Variants in PTH2R observed in about 807,000 individuals in gnomAD.
PTH2R encodes PTH2 receptor.
Under a neutral mutation model 60.3 loss-of-function variants are expected in PTH2R, and 59 were observed. The observed-to-expected ratio is 0.98, with a 90% confidence interval of 0.79 to 1.22. PTH2R has a LOEUF of 1.22. PTH2R is among the 50% of genes most tolerant of loss of function. The probability of loss-of-function intolerance (pLI) is 0.00; values close to 1 mark genes in which losing one functional copy is unlikely to be tolerated. For missense variants in PTH2R, 749 were observed against 682.6 expected, an observed-to-expected ratio of 1.10 and a Z score of -1.08; for synonymous variants, 256 against 243.8, an observed-to-expected ratio of 1.05 and a Z score of -0.47.
chr2:208,477,392 C>T (rs4675768), intron 9 of PTH2R, among the ~76,000 whole-genome samples: 88,516 of 152,004 alleles, frequency 0.58, 27,900 homozygotes, highest in Non-Finnish European at 0.69. Context: ...CCTGAGCAGC[C>T]GGCACTTCCA....
At chr2:208,370,032 A>C (rs1445400555) in intron 1 of PTH2R, among the ~76,000 whole-genome samples, 1 of 152,102 alleles carries the variant, frequency 6.6e-6, no homozygotes, top group Non-Finnish European at 1.5e-5. Context: ...GTTGCACTCC[A>C]AAATTGTGTC....
chr2:208,480,616 C>T (rs1039037421), intron 9 of PTH2R, among the ~76,000 whole-genome samples: 1 of 152,178 alleles, frequency 6.6e-6, no homozygotes, highest in Non-Finnish European at 1.5e-5. Context: ...AAAAAACACA[C>T]ACTTCATATC....
At chr2:208,468,616 C>A (rs571495006) in intron 9 of PTH2R, among the ~76,000 whole-genome samples, 1 of 152,196 alleles carries the variant, frequency 6.6e-6, no homozygotes, top group Non-Finnish European at 1.5e-5. Context: ...CCCCACTGTA[C>A]TTTTAGAAGG....
chr2:208,424,436 G>A (rs1272692517), intron 1 of PTH2R, among the ~76,000 whole-genome samples: 1 of 152,176 alleles, frequency 6.6e-6, no homozygotes, highest in Non-Finnish European at 1.5e-5. Flanking sequence ...TCTTGCGATA[G>A]TTCCCATTAT....
At chr2:208,444,956 C>T (rs1702261479) in intron 7 of PTH2R, 69 bp downstream of exon 7, 1 of 1,458,834 alleles carries the variant, frequency 6.9e-7, no homozygotes, top group Admixed American at 2.0e-5. Context: ...TCATGCCCAT[C>T]ATTAGCATCC....
intron 7 of PTH2R, among the ~76,000 whole-genome samples, chr2:208,449,373 T>C (rs1208675150): frequency 6.6e-6 from 1 of 152,198 alleles, no homozygotes; most frequent in Non-Finnish European, 1.5e-5. Flanking sequence ...ATTTGTTCAT[T>C]ATTTATATCA....
In PTH2R at chr2:208,443,440, T is replaced by G; in HGVS notation, c.602T>G (p.Val201Gly). ...AGCATCTTTGTCAAAGACAGAGTAG[T>G]CCATGCTCACATAGGAGTAAAGGAG... is the stretch of plus-strand genomic sequence containing the variant. ...ATSIFVKDRV[V>G]HAHIGVKELE... The change falls in exon 6 of 13, where the codon GTC becomes GGC. Residue 201 changes from valine (V) to glycine (G), a missense_variant. Physicochemically the swap from Val to Gly is moderately radical, Grantham distance 109 (BLOSUM62 -3). Transcript: ENST00000272847. The G allele has an allele frequency of 6.2e-7, 1 of 1,613,820 alleles. No homozygotes were observed. The highest frequency in any genetic ancestry group is 8.5e-7 in the Non-Finnish European group (1 of 1,179,804).
intron 10 of PTH2R, 26 bp downstream of exon 10, chr2:208,481,190 G>T: frequency 6.9e-7 from 1 of 1,440,134 alleles, no homozygotes; most frequent in Non-Finnish European, 9.6e-7. Context: ...GCATCCATCA[G>T]AGGAAATATT....
chr2:208,453,266 A>ATATACATGCAGTGT (rs1702444481), intron 8 of PTH2R, among the ~76,000 whole-genome samples: 1 of 152,186 alleles, frequency 6.6e-6, no homozygotes, highest in Non-Finnish European at 1.5e-5. Flanking sequence ...TTTGTATTGC[A>ATATACATGCAGTGT]TGTATACATG....
intron 1 of PTH2R, among the ~76,000 whole-genome samples, chr2:208,417,911 T>C (rs1225258721): frequency 6.6e-6 from 1 of 152,154 alleles, no homozygotes; most frequent in African/African-American, 2.4e-5. Context: ...CAATTTTAAC[T>C]ATGTTAAAAT....
At chr2:208,409,983 ACCT>A (rs1701506750) in intron 1 of PTH2R, among the ~76,000 whole-genome samples, 1 of 152,070 alleles carries the variant, frequency 6.6e-6, no homozygotes, top group African/African-American at 2.4e-5. Flanking sequence ...GACAGGGGTA[ACCT>A]CAGACCGGCA....
chr2:208,439,835 A>T (rs997275617), intron 4 of PTH2R, among the ~76,000 whole-genome samples: 1 of 152,162 alleles, frequency 6.6e-6, no homozygotes, highest in Non-Finnish European at 1.5e-5. Context: ...TAAAAACTTC[A>T]AAGGAATAAT....
intron 2 of PTH2R, among the ~76,000 whole-genome samples, chr2:208,436,776 AC>A (rs1702083390): frequency 6.6e-6 from 1 of 152,014 alleles, no homozygotes; most frequent in African/African-American, 2.4e-5. Flanking sequence ...GCAGTTCCTC[AC>A]CCCTTATCTC....
chr2:208,427,716 T>C (rs1701885667), intron 1 of PTH2R, among the ~76,000 whole-genome samples: 1 of 152,124 alleles, frequency 6.6e-6, no homozygotes, highest in Non-Finnish European at 1.5e-5. Flanking sequence ...CTATAGGTGA[T>C]AAATACAGAT....
In PTH2R at chr2:208,442,061, G is replaced by T. The variant is rs1239695766; in HGVS notation, c.412-303G>T. On this transcript the variant is annotated intron_variant, in intron 4 of 12. Coordinates refer to ENST00000272847, the MANE Select transcript of PTH2R (RefSeq NM_005048.4). ...TGTAATCCTAAGAAGTCTAAGAATA[G>T]TCAAGAGGTATATGAAGTATGTGAA... Among the ~76,000 whole-genome samples the T allele has an allele frequency of 5.3e-5, 8 of 152,186 alleles. No homozygotes were observed. The East Asian group carries it at 1.5e-3, about 29-fold the overall frequency.
At chr2:208,488,512 T>G (rs1168211122) in intron 10 of PTH2R, among the ~76,000 whole-genome samples, 1 of 152,092 alleles carries the variant, frequency 6.6e-6, no homozygotes, top group Non-Finnish European at 1.5e-5. Context: ...GTAAATAGAC[T>G]CCTTTAAGCA....
chr2:208,427,295 GGAGTCAATTTTTCC>G (rs1701875882), intron 1 of PTH2R, among the ~76,000 whole-genome samples: 6 of 152,168 alleles, frequency 3.9e-5, no homozygotes, highest in Non-Finnish European at 2.9e-5. Context: ...CGAATGGGAA[GGAGTCAATTTTTCC>G]TGCCATGCCC....
intron 1 of PTH2R, among the ~76,000 whole-genome samples, chr2:208,414,563 T>G (rs1308982384): frequency 3.4e-5 from 5 of 147,562 alleles, no homozygotes; most frequent in African/African-American, 1.0e-4. Flanking sequence ...TTTTTTTCAG[T>G]TTTTTTTTTC....
Position 208,470,621 on chromosome 2 carries a change from G to T in PTH2R, c.982-10449G>T, listed in dbSNP as rs116176102. Among the ~76,000 whole-genome samples, 1,139 of 151,538 alleles carry T rather than the reference G, an allele frequency of 7.5e-3. 21 individuals are homozygous for T. Among genetic ancestry groups the T allele is most frequent in the African/African-American group, 0.025 (1,028 of 40,826 alleles). On this transcript the variant is annotated intron_variant, in intron 9 of 12. Coordinates refer to ENST00000272847, the MANE Select transcript of PTH2R (RefSeq NM_005048.4). ...GTCATGATTTGAGGCATCCCCAGCC[G>T]CATGGAACTGTAAGTCCATTAAACC... is the stretch of plus-strand genomic sequence containing the variant.
Sources: gnomAD v4.1 joint callset for allele counts (sites outside exome capture counted in the v4.1 genomes callset) on GRCh38, gnomAD v4.1.1 for gene constraint, MANE v1.5 for transcripts, NCBI Gene and HGNC (gene_info 2026-07-23, HGNC 2026-07-21) for gene names.